Variants in RILPL1 observed in about 807,000 individuals in gnomAD.
RILPL1 encodes the protein Rab interacting lysosomal protein like 1.
RILPL1 carries 33 observed loss-of-function variants against 50.3 expected under a neutral mutation model. The observed-to-expected ratio is 0.66, with a 90% CI of 0.50 to 0.88. The LOEUF is 0.88. Ranked by LOEUF, RILPL1 falls within the 40% of genes least tolerant of loss-of-function variation. The probability of loss-of-function intolerance (pLI) is 0.00; values close to 1 mark genes in which losing one functional copy is unlikely to be tolerated. For missense variants in RILPL1, 418 were observed against 542.5 expected, an observed-to-expected ratio of 0.77 and a Z score of 2.28; for synonymous variants, 205 against 228.6, an observed-to-expected ratio of 0.90 and a Z score of 0.93.
chr12:123,477,974 T>G (rs1231373732), intron 6 of RILPL1, among the ~76,000 whole-genome samples: 1 of 141,506 alleles, frequency 7.1e-6, no homozygotes, highest in African/African-American at 2.6e-5. Flanking sequence ...ACTGAGTTAC[T>G]CCATCTGTAT....
At chr12:123,504,307 T>G (rs1883599570) in intron 2 of RILPL1, among the ~76,000 whole-genome samples, 1 of 151,900 alleles carries the variant, frequency 6.6e-6, no homozygotes, top group Non-Finnish European at 1.5e-5. Context: ...CTCAGCTATT[T>G]CTTTGGCATG....
In RILPL1 at chr12:123,485,482, TTGTA is replaced by T; in HGVS notation, c.974+147_974+150del. The T allele has an allele frequency of 2.9e-6, 2 of 696,114 alleles. No individual in the cohort carries two copies. Among genetic ancestry groups the T allele is most frequent in the Middle Eastern group, 2.4e-4 (1 of 4,112 alleles). The allele number at this position is 696,114 out of a possible 1,614,324, so 43.1% of individuals were successfully genotyped here. Reference sequence around the variant, plus strand: ...AGAGTTTCAGAAAGGGGTTGTGAGCTTGTATGTAAGTTCTTTAGGCCAGAGAGGG... The same window carrying T: ...AGAGTTTCAGAAAGGGGTTGTGAGCTTGTAAGTTCTTTAGGCCAGAGAGGG... On this transcript the variant is annotated intron_variant, in intron 5 of 6. Coordinates refer to ENST00000376874, the MANE Select transcript of RILPL1 (RefSeq NM_178314.5). This position sits in a 1 kb window ranked among gnomAD's most constrained non-coding sequence, Gnocchi z 4.0.
intron 6 of RILPL1, among the ~76,000 whole-genome samples, chr12:123,482,922 AGAG>A (rs1471569477): frequency 6.6e-6 from 1 of 152,004 alleles, no homozygotes; most frequent in Admixed American, 6.6e-5. Context: ...CCATTTTCTA[AGAG>A]GAGAGGGCCC....
intron 3 of RILPL1, among the ~76,000 whole-genome samples, chr12:123,499,077 C>A (rs1258320835): frequency 6.6e-6 from 1 of 152,144 alleles, no homozygotes; most frequent in Non-Finnish European, 1.5e-5. Context: ...GTATGGGTTC[C>A]TGGAGCACGC....
In RILPL1 at chr12:123,498,504, G is replaced by C; in HGVS notation, c.801+40C>G. On this transcript the variant is annotated intron_variant, in intron 4 of 6. Transcript: ENST00000376874. This position sits in a 1 kb window ranked among gnomAD's most constrained non-coding sequence, Gnocchi z 4.3. The stretch of plus-strand genomic sequence containing the variant: ...CCTGCCTTAAGCCAACCCCCAGACT[G>C]ACCCTCTGCTACCACCTCTGCACCC... The C allele has an allele frequency of 1.9e-6, 3 of 1,581,492 alleles. No homozygotes were observed. The highest frequency in any genetic ancestry group is 2.6e-6 in the Non-Finnish European group (3 of 1,153,760).
At position 123,492,405 on chromosome 12, in the gene RILPL1, T is replaced by C. The variant is rs1010565240; in HGVS notation, c.801+6139A>G. On this transcript the variant is annotated intron_variant, in intron 4 of 6. Transcript: ENST00000376874. ...GGTAAATACACAGAGGGAAACAGCC[T>C]GCTGGTGGCCAGGGGCTGGGGAAGG... Among the ~76,000 whole-genome samples, 12 of 152,212 alleles carry C rather than the reference T, an allele frequency of 7.9e-5. No individual in the cohort carries two copies. In the East Asian group the frequency reaches 2.3e-3, roughly 29 times the overall value.
chr12:123,532,975 T>TA (rs1885492524), intron 1 of RILPL1, among the ~76,000 whole-genome samples, 199 bp downstream of exon 1: 1 of 152,172 alleles, frequency 6.6e-6, no homozygotes, highest in Admixed American at 6.5e-5. Flanking sequence ...GAACAGCTCT[T>TA]AATCTCTCGG....
chr12:123,497,534 G>C (rs1405058170), intron 4 of RILPL1, among the ~76,000 whole-genome samples: 4 of 151,952 alleles, frequency 2.6e-5, no homozygotes, highest in Non-Finnish European at 5.9e-5. Flanking sequence ...GATAACAGAT[G>C]CCCACCACCA....
intron 2 of RILPL1, among the ~76,000 whole-genome samples, chr12:123,517,508 G>A (rs778759786): frequency 1.4e-5 from 2 of 147,252 alleles, no homozygotes; most frequent in African/African-American, 5.0e-5. Flanking sequence ...TGCTACCTCC[G>A]CTTTCCGGGC....
chr12:123,530,693 C>T (rs1885414576), intron 1 of RILPL1, among the ~76,000 whole-genome samples: 2 of 152,296 alleles, frequency 1.3e-5, no homozygotes, highest in South Asian at 4.1e-4. Context: ...AGTGTATCAG[C>T]CCAGCCATTG....
intron 1 of RILPL1, among the ~76,000 whole-genome samples, chr12:123,529,814 C>A (rs1370064080): frequency 6.8e-6 from 1 of 147,430 alleles, no homozygotes; most frequent in Non-Finnish European, 1.5e-5. Flanking sequence ...TTCAGGGCTG[C>A]AGGGAGCCGT....
At chr12:123,518,825 G>A (rs1211731700) in intron 2 of RILPL1, among the ~76,000 whole-genome samples, 3 of 151,914 alleles carry the variant, frequency 2.0e-5, no homozygotes, top group Non-Finnish European at 4.4e-5. Context: ...TTGGGAGGCC[G>A]AGGCAGGCGG....
Position 123,498,682 on chromosome 12 carries a change from G to A in RILPL1, c.663C>T (p.Ala221=), listed in dbSNP as rs1883183607. ...CCAGCTCCACCTTCTGTTCGATCAG[G>A]GCTTTCCCCTGGGCCTCCACCACCG... ...RVTVVEAQGK[A]LIEQKVELEA... The change falls in exon 4 of 7, where the codon GCC becomes GCT. Residue 221 remains alanine, a synonymous_variant. Transcript: ENST00000376874. This position sits in a 1 kb window ranked among gnomAD's most constrained non-coding sequence, Gnocchi z 4.3. 2.5e-6 allele frequency: 4 copies of A among 1,613,566 alleles called. No individual in the cohort carries two copies. The highest frequency in any genetic ancestry group is 3.3e-5 in the Admixed American group (2 of 59,992).
At position 123,533,026 on chromosome 12, in the gene RILPL1, C is replaced by G; in HGVS notation, c.309+148G>C. On this transcript the variant is annotated intron_variant, in intron 1 of 6. Coordinates refer to ENST00000376874, the MANE Select transcript of RILPL1 (RefSeq NM_178314.5). The surrounding 1 kb of genome is among the most constrained non-coding windows in gnomAD (Gnocchi z 6.2). Reference sequence around the variant, plus strand: ...CACCCCTGGTCGGGCAAAAGAAGGCCAGGGCCTCCCTCCCTCCCCACGTCG... The same window carrying G: ...CACCCCTGGTCGGGCAAAAGAAGGCGAGGGCCTCCCTCCCTCCCCACGTCG... The G allele has an allele frequency of 1.2e-6, 1 of 852,346 alleles. No homozygotes were observed. The highest frequency in any genetic ancestry group is 1.9e-5 in the South Asian group (1 of 54,012). 52.8% of individuals were successfully genotyped at this position (852,346 alleles called of 1,614,324 possible).
Position 123,498,902 on chromosome 12 carries a change from T to C in RILPL1, c.580-137A>G, listed in dbSNP as rs1288469557. ...TGTTTGAAAGTTGTTCGTATTCTTATAGCTGATGATGCTAGAGATGGGCAA... is the reference window on the plus strand; with the variant it reads ...TGTTTGAAAGTTGTTCGTATTCTTACAGCTGATGATGCTAGAGATGGGCAA... On this transcript the variant is annotated intron_variant, in intron 3 of 6. Transcript: ENST00000376874. The surrounding 1 kb of genome is among the most constrained non-coding windows in gnomAD (Gnocchi z 4.3). 1.3e-6 allele frequency: 1 copy of C among 760,122 alleles called. No individual in the cohort carries two copies. The highest frequency in any genetic ancestry group is 2.2e-6 in the Non-Finnish European group (1 of 458,202). 47.1% of individuals were successfully genotyped at this position (760,122 alleles called of 1,614,324 possible).
At chr12:123,511,671 TGTGTGTG>T (rs1194444751) in intron 2 of RILPL1, among the ~76,000 whole-genome samples, 30 of 139,596 alleles carry the variant, frequency 2.1e-4, no homozygotes, top group African/African-American at 3.3e-4. Context: ...GTGAGGTCTG[TGTGTGTG>T]GTGTGTGGTG....
At chr12:123,482,707 C>T (rs1882078486) in intron 6 of RILPL1, among the ~76,000 whole-genome samples, 1 of 151,736 alleles carries the variant, frequency 6.6e-6, no homozygotes, top group Admixed American at 6.6e-5. Flanking sequence ...AAGCCTCAAC[C>T]TCCTGGGCTC....
At position 123,511,792 on chromosome 12, in the gene RILPL1, G is replaced by C. The variant is rs551373779; in HGVS notation, c.460+11703C>G. Among the ~76,000 whole-genome samples, 315 of 130,654 alleles carry C rather than the reference G, an allele frequency of 2.4e-3. 5 individuals carry two copies. Among genetic ancestry groups the C allele is most frequent in the African/African-American group, 8.7e-3 (292 of 33,596 alleles). 85.7% of individuals were successfully genotyped at this position (130,654 alleles called of 152,430 possible). On this transcript the variant is annotated intron_variant, in intron 2 of 6. Coordinates refer to ENST00000376874, the MANE Select transcript of RILPL1 (RefSeq NM_178314.5). ...GTTTGTGTGTGTGTGGTGTGTGTGA[G>C]GTCTGTGTGTGGTGTGTGAGGTCTG...
chr12:123,525,122 ACT>A lies in RILPL1; in HGVS notation c.310-1479_310-1478del, dbSNP rs1299530289. ...ACTCCAGCCTGGGTGACAGAGTGAGACTCTGTCTTGGAAAAAATAATAATAAT... is the reference window on the plus strand; with the variant it reads ...ACTCCAGCCTGGGTGACAGAGTGAGACTGTCTTGGAAAAAATAATAATAAT... On this transcript the variant is annotated intron_variant, in intron 1 of 6. Coordinates refer to ENST00000376874, the MANE Select transcript of RILPL1 (RefSeq NM_178314.5). Among the ~76,000 whole-genome samples, 9 of 152,046 alleles carry A rather than the reference ACT, an allele frequency of 5.9e-5. 1 individual carries two copies. Among genetic ancestry groups the A allele is most frequent in the Admixed American group, 5.9e-4 (9 of 15,258 alleles).
Sources: gnomAD v4.1 joint callset for allele counts (sites outside exome capture counted in the v4.1 genomes callset) on GRCh38, gnomAD v4.1.1 for gene constraint, Gnocchi (gnomAD v3.1) non-coding constraint, MANE v1.5 for transcripts, NCBI Gene and HGNC (gene_info 2026-07-23, HGNC 2026-07-21) for gene names.